Variants in PPME1 observed in about 807,000 individuals in gnomAD.
The protein encoded by PPME1 is testicular secretory protein Li 39.
Under a neutral mutation model 56.9 loss-of-function variants are expected in PPME1, and 17 were observed. The ratio of observed to expected loss-of-function variants is 0.30; its 90% CI spans 0.20 to 0.45. PPME1 has a LOEUF of 0.45. Ranked by LOEUF, PPME1 falls within the 20% of genes least tolerant of loss-of-function variation. The pLI, the probability that PPME1 is intolerant of heterozygous loss-of-function variation, is 1.00. For missense variants in PPME1, 357 were observed against 483.2 expected (o/e 0.74, Z 2.45); for synonymous variants, 122 against 156.2 (o/e 0.78, Z 1.63).
At position 74,244,660 on chromosome 11, in the gene PPME1, A is replaced by C. The variant is rs148957861; in HGVS notation, c.835-1416A>C. Among the ~76,000 whole-genome samples the C allele has an allele frequency of 2.0e-5, 3 of 152,298 alleles. No homozygotes were observed. In the East Asian group the frequency reaches 5.8e-4, roughly 29 times the overall value. ...TTGTAGGAGTCCTTTATATATTCTGAATATTAATCCATTATAAGATATATG... is the reference window on the plus strand; with the variant it reads ...TTGTAGGAGTCCTTTATATATTCTGCATATTAATCCATTATAAGATATATG... On this transcript the variant is annotated intron_variant, in intron 9 of 13. Transcript: ENST00000328257.
intron 3 of PPME1, among the ~76,000 whole-genome samples, chr11:74,209,311 C>T (rs1287399077): frequency 6.6e-6 from 1 of 152,086 alleles, no homozygotes; most frequent in Non-Finnish European, 1.5e-5. Flanking sequence ...CTATATTGCC[C>T]AGGTTGGTCT....
chr11:74,221,174 T>C (rs1281516879), intron 3 of PPME1, among the ~76,000 whole-genome samples: 1 of 152,174 alleles, frequency 6.6e-6, no homozygotes, highest in Admixed American at 6.5e-5. Context: ...ATATATTTTG[T>C]TTCTGTTTTG....
intron 9 of PPME1, among the ~76,000 whole-genome samples, chr11:74,242,745 G>A (rs1439575627): frequency 2.0e-5 from 3 of 151,846 alleles, no homozygotes; most frequent in Admixed American, 2.0e-4. Context: ...TGGGCGTGGT[G>A]GCGTGCGTCT....
At chr11:74,195,462 A>G (rs974610145) in intron 1 of PPME1, among the ~76,000 whole-genome samples, 3 of 152,216 alleles carry the variant, frequency 2.0e-5, no homozygotes, top group African/African-American at 7.2e-5. Context: ...TTTCACTGCT[A>G]TGCTATATTC....
chr11:74,174,469 C>T (rs1225253579), intron 1 of PPME1, among the ~76,000 whole-genome samples: 1 of 152,138 alleles, frequency 6.6e-6, no homozygotes, highest in Non-Finnish European at 1.5e-5. Flanking sequence ...TTGCTTTTTT[C>T]TTAACTTCCA....
intron 8 of PPME1, among the ~76,000 whole-genome samples, chr11:74,237,008 A>T (rs1859206639): frequency 1.3e-5 from 2 of 152,086 alleles, no homozygotes; most frequent in South Asian, 2.1e-4. Context: ...GCATCTTTTA[A>T]TCTAAGGTTC....
At chr11:74,199,819 CAA>C (rs750893367) in intron 1 of PPME1, among the ~76,000 whole-genome samples, 21 of 152,276 alleles carry the variant, frequency 1.4e-4, no homozygotes, top group East Asian at 3.9e-4. Context: ...TGGTGGCAGA[CAA>C]GAGAGAATTG....
At chr11:74,199,069 C>T (rs2135616582) in intron 1 of PPME1, among the ~76,000 whole-genome samples, 1 of 152,304 alleles carries the variant, frequency 6.6e-6, no homozygotes, top group South Asian at 2.1e-4. Flanking sequence ...TGTTTGTTTT[C>T]AGTGTTCCCT....
At chr11:74,252,909 C>G (rs993815688) in intron 13 of PPME1, among the ~76,000 whole-genome samples, 1 of 152,162 alleles carries the variant, frequency 6.6e-6, no homozygotes, top group African/African-American at 2.4e-5. Context: ...TCAGCCAGCT[C>G]CTAGTCTGTA....
Position 74,184,441 on chromosome 11 carries a change from T to TC in PPME1, c.101+12920dup. 1.3e-5 allele frequency among the ~76,000 whole-genome samples: 2 copies of TC among 152,324 alleles called. 1 individual carries two copies. The highest frequency in any genetic ancestry group is 1.3e-4 in the Admixed American group (2 of 15,310). ...GTGTCTTGGTATTCCCACCATCAAC[T>TC]CATTTTTAAGTTGGAAAATCTCTAT... On this transcript the variant is annotated intron_variant, in intron 1 of 13. Transcript: ENST00000328257.
intron 3 of PPME1, among the ~76,000 whole-genome samples, chr11:74,208,322 A>G (rs1252287697): frequency 1.3e-5 from 2 of 151,928 alleles, no homozygotes; most frequent in Non-Finnish European, 2.9e-5. Flanking sequence ...AGAAAAAAAA[A>G]AAAAAAGAGA....
At chr11:74,244,272 T>C (rs974493907) in intron 9 of PPME1, among the ~76,000 whole-genome samples, 1 of 152,220 alleles carries the variant, frequency 6.6e-6, no homozygotes, top group Non-Finnish European at 1.5e-5. Flanking sequence ...TTTCAATTCT[T>C]TGGATATGTA....
chr11:74,253,506 G>T lies in PPME1; in HGVS notation c.1157G>T (p.Cys386Phe). 6.2e-7 allele frequency: 1 copy of T among 1,608,774 alleles called. No homozygotes were observed. ...IGGFQCVFPG[C>F] Reference sequence around the variant, plus strand: ...TTCTTCCACAGTGTGTTTCCTGGCTGTTAGTGACCTGCTGTCCACCCCTCC... The same window carrying T: ...TTCTTCCACAGTGTGTTTCCTGGCTTTTAGTGACCTGCTGTCCACCCCTCC... Residue 386 changes from cysteine (C) to phenylalanine (F), a missense_variant, in exon 14 of 14, where the codon TGT (cysteine) becomes TTT (phenylalanine). Coordinates refer to ENST00000328257, the MANE Select transcript of PPME1 (RefSeq NM_016147.3).
At chr11:74,229,269 G>C (rs891132718) in intron 5 of PPME1, among the ~76,000 whole-genome samples, 2 of 152,076 alleles carry the variant, frequency 1.3e-5, no homozygotes, top group African/African-American at 4.8e-5. Context: ...CACTCAACAA[G>C]ACAAAACTTT....
intron 4 of PPME1, among the ~76,000 whole-genome samples, chr11:74,223,512 C>T (rs1373744481): frequency 5.9e-5 from 8 of 135,268 alleles, no homozygotes; most frequent in East Asian, 3.9e-4. Flanking sequence ...CCTGAGGAAT[C>T]GCCACACTGA....
Position 74,179,195 on chromosome 11 carries a change from A to G in PPME1, c.101+7673A>G, listed in dbSNP as rs917129129. ...AAGTAGACATCCTCTCTCTGCCACT[A>G]ACAAGTTGTATGACTCTGGTCAGTT... is the stretch of plus-strand genomic sequence containing the variant. On this transcript the variant is annotated intron_variant, in intron 1 of 13. Transcript: ENST00000328257. Among the ~76,000 whole-genome samples, 7 of 152,316 alleles carry G rather than the reference A, an allele frequency of 4.6e-5. No individual in the cohort carries two copies. In the East Asian group the frequency reaches 5.8e-4, roughly 13 times the overall value.
intron 7 of PPME1, among the ~76,000 whole-genome samples, chr11:74,233,722 T>C (rs781060240): frequency 2.0e-5 from 3 of 152,184 alleles, no homozygotes; most frequent in Non-Finnish European, 4.4e-5. Context: ...CTCAGGAGGC[T>C]GAGGTGGGAG....
At chr11:74,250,747 A>C (rs183380017) in intron 11 of PPME1, 18 of 566,288 alleles carry the variant, frequency 3.2e-5, no homozygotes, top group Admixed American at 2.1e-4. Flanking sequence ...TAAATAGGAC[A>C]GAAGGAAAAA....
Position 74,230,470 on chromosome 11 carries a change from G to T in PPME1, c.553+71G>T, listed in dbSNP as rs1357877676. 4 of 1,512,108 alleles carry T rather than the reference G, an allele frequency of 2.6e-6. No individual in the cohort carries two copies. The highest frequency in any genetic ancestry group is 3.6e-6 in the Non-Finnish European group (4 of 1,101,540). 93.7% of individuals were successfully genotyped at this position (1,512,108 alleles called of 1,614,324 possible). ...GACATCCTTGGTAGATTATTACCTT[G>T]TCTTAGTTTATTGTTGATTTCATTC... On this transcript the variant is annotated intron_variant, in intron 6 of 13. Transcript: ENST00000328257. This position sits in a 1 kb window ranked among gnomAD's most constrained non-coding sequence, Gnocchi z 4.9.
Sources: gnomAD v4.1 joint callset for allele counts (sites outside exome capture counted in the v4.1 genomes callset) on GRCh38, gnomAD v4.1.1 for gene constraint, Gnocchi (gnomAD v3.1) non-coding constraint, MANE v1.5 for transcripts, NCBI Gene and HGNC (gene_info 2026-07-23, HGNC 2026-07-21) for gene names.